PYHIN1: variants seen among roughly 807,000 people sequenced by gnomAD.
PYHIN1 encodes the protein pyrin and HIN domain family member 1.
A neutral mutation model predicts 43.7 loss-of-function variants in PYHIN1; 32 were observed. The observed-to-expected ratio is 0.73, with a 90% CI of 0.55 to 0.98. The LOEUF (loss-of-function observed/expected upper bound fraction) is 0.98. Among genes scored for constraint, PYHIN1 ranks in the 50% least tolerant of loss-of-function variants. The probability of loss-of-function intolerance (pLI) is 0.00; values close to 1 mark genes in which losing one functional copy is unlikely to be tolerated. For missense variants in PYHIN1, 588 were observed against 589.5 expected (o/e 1.00, Z 0.03); for synonymous variants, 205 against 203.1 (o/e 1.01, Z -0.08).
At chr1:158,985,988 T>G in the PYHIN1 span, among the ~76,000 whole-genome samples, 1 of 152,184 alleles carries the variant, frequency 6.6e-6, no homozygotes, top group East Asian at 1.9e-4. Context: ...TTGTAGTGAG[T>G]TTTCAGCTCT....
intron 7 of PYHIN1, among the ~76,000 whole-genome samples, chr1:158,966,365 A>G (rs1228536405): frequency 6.6e-6 from 1 of 152,156 alleles, no homozygotes; most frequent in African/African-American, 2.4e-5. Flanking sequence ...CTCCTCTCCA[A>G]TTCATTCTAT....
chr1:158,940,699 C>T, intron 4 of PYHIN1, among the ~76,000 whole-genome samples: 1 of 152,232 alleles, frequency 6.6e-6, no homozygotes, highest in Non-Finnish European at 1.5e-5. Flanking sequence ...GCTCTATTCC[C>T]TTTTTTCTTA....
the PYHIN1 span, among the ~76,000 whole-genome samples, chr1:158,990,729 G>A: frequency 6.6e-6 from 1 of 151,990 alleles, no homozygotes; most frequent in African/African-American, 2.4e-5. Flanking sequence ...ACCACTATGA[G>A]ATCAACTTTT....
In PYHIN1 at chr1:158,976,903, T is replaced by A; in HGVS notation, c.*208T>A. 3 of 198,038 alleles carry A rather than the reference T, an allele frequency of 1.5e-5. No individual in the cohort carries two copies. The highest frequency in any genetic ancestry group is 1.0e-4 in the East Asian group (1 of 9,794). 12.3% of individuals were successfully genotyped at this position (198,038 alleles called of 1,614,324 possible). A position where few individuals can be genotyped will look rare whatever the true frequency, so the allele number is the denominator to read the frequency against. ...ATATATATATATATATATATATATA[T>A]ATATATATATATACCAGCTATTAAT... On this transcript the variant is annotated 3_prime_UTR_variant, in exon 9 of 9. Coordinates refer to ENST00000368140, the MANE Select transcript of PYHIN1 (RefSeq NM_152501.5).
intron 7 of PYHIN1, among the ~76,000 whole-genome samples, chr1:158,959,296 CG>C (rs1553199062): frequency 1.4e-5 from 2 of 147,414 alleles, no homozygotes; most frequent in Non-Finnish European, 1.5e-5. Flanking sequence ...GCCACAGCCT[CG>C]ACTAGCTGGC....
chr1:158,944,129 GA>G (rs1339843966), intron 6 of PYHIN1, 151 bp downstream of exon 6: 5 of 451,062 alleles, frequency 1.1e-5, no homozygotes, highest in Non-Finnish European at 1.9e-5. Context: ...TTTAAATAGA[GA>G]AAATTATTAA....
chr1:158,954,284 C>A (rs1571753520), intron 7 of PYHIN1, among the ~76,000 whole-genome samples: 1 of 61,410 alleles, frequency 1.6e-5, no homozygotes, highest in African/African-American at 5.6e-5. Flanking sequence ...AGAGCAACTC[C>A]AAGACACATA....
chr1:158,947,816 G>A (rs1557830504), intron 7 of PYHIN1, among the ~76,000 whole-genome samples: 1 of 152,348 alleles, frequency 6.6e-6, no homozygotes, highest in East Asian at 1.9e-4. Flanking sequence ...GAGCGATTAT[G>A]CACCCACAGT....
chr1:158,937,944 CAA>C (rs11444947), intron 2 of PYHIN1, among the ~76,000 whole-genome samples: 12 of 114,142 alleles, frequency 1.1e-4, no homozygotes, highest in Admixed American at 9.1e-5. Context: ...GACTCCGTCT[CAA>C]AAAAAAAAAA....
At chr1:158,975,306 T>C (rs1195465733) in intron 8 of PYHIN1, among the ~76,000 whole-genome samples, 1 of 152,104 alleles carries the variant, frequency 6.6e-6, no homozygotes, top group Non-Finnish European at 1.5e-5. Flanking sequence ...AAGCAGACCA[T>C]TCTTATTTTT....
intron 1 of PYHIN1, among the ~76,000 whole-genome samples, chr1:158,936,589 C>G (rs1648555098): frequency 6.6e-6 from 1 of 152,068 alleles, no homozygotes; most frequent in South Asian, 2.1e-4. Context: ...GAACCAAAGA[C>G]AAAAACCAAA....
intron 7 of PYHIN1, among the ~76,000 whole-genome samples, chr1:158,948,704 C>T (rs1279211844): frequency 3.9e-5 from 6 of 152,134 alleles, no homozygotes; most frequent in African/African-American, 1.4e-4. Flanking sequence ...TGGCTGAGAC[C>T]ATAAAGGCTA....
downstream of PYHIN1, among the ~76,000 whole-genome samples, chr1:158,981,464 T>C (rs1651481293): frequency 6.6e-6 from 1 of 152,112 alleles, no homozygotes; most frequent in Non-Finnish European, 1.5e-5. Context: ...AGAGCGAGAC[T>C]CTGAATCAAA....
chr1:158,972,062 A>G lies in PYHIN1; in HGVS notation c.1360-1585A>G, dbSNP rs564860429. 3.9e-5 allele frequency among the ~76,000 whole-genome samples: 6 copies of G among 152,248 alleles called. No individual in the cohort carries two copies. In the East Asian group the frequency reaches 1.2e-3, roughly 29 times the overall value. On this transcript the variant is annotated intron_variant, in intron 7 of 8. Coordinates refer to ENST00000368140, the MANE Select transcript of PYHIN1 (RefSeq NM_152501.5). ...GATACATAATCAGGCTTCATCTCATAGTGAAACCATTAATCAGAAAAGTCG... is the reference window on the plus strand; with the variant it reads ...GATACATAATCAGGCTTCATCTCATGGTGAAACCATTAATCAGAAAAGTCG...
chr1:158,932,648 G>A (rs1377652660), intron 1 of PYHIN1, among the ~76,000 whole-genome samples: 1 of 152,092 alleles, frequency 6.6e-6, no homozygotes, highest in Non-Finnish European at 1.5e-5. Flanking sequence ...ACACATAGTA[G>A]AAAATGTATC....
chr1:158,946,942 C>T (rs1468771498), intron 7 of PYHIN1, among the ~76,000 whole-genome samples: 6 of 152,184 alleles, frequency 3.9e-5, no homozygotes, highest in Non-Finnish European at 8.8e-5. Flanking sequence ...AATTCAGCCC[C>T]AGAGCAGAGT....
At chr1:158,943,404 C>G (rs1463300028) in intron 5 of PYHIN1, among the ~76,000 whole-genome samples, 1 of 152,166 alleles carries the variant, frequency 6.6e-6, no homozygotes, top group Non-Finnish European at 1.5e-5. Context: ...TTCCTCATAA[C>G]ATAGTGAATG....
intron 7 of PYHIN1, among the ~76,000 whole-genome samples, chr1:158,961,593 A>G (rs111922896): frequency 0.04 from 6,150 of 152,024 alleles, 408 homozygotes; most frequent in African/African-American, 0.14. Flanking sequence ...TCACCTGGGA[A>G]TGGCACGGAG....
Position 158,973,662 on chromosome 1 carries a change from C to G in PYHIN1, c.1375C>G (p.Pro459Ala). 1 of 1,612,946 alleles carries G rather than the reference C, an allele frequency of 6.2e-7. No individual in the cohort carries two copies. Among genetic ancestry groups the G allele is most frequent in the Non-Finnish European group, 8.5e-7 (1 of 1,179,318 alleles). The change falls in exon 8 of 9, where the codon CCA becomes GCA. Residue 459 changes from proline (P) to alanine (A), a missense_variant. By Grantham distance (27) the Pro-to-Ala change is conservative. Transcript: ENST00000368140. ...ATGACTCCAGAAGGATGAAACCCAC[C>G]CAGGAGCACAGTCATCGCCTGCAAA... ...SSFTKKDETHPGAQSSPANFR... is the reference protein window; with the variant it reads ...SSFTKKDETHAGAQSSPANFR...
Sources: gnomAD v4.1 joint callset for allele counts (sites outside exome capture counted in the v4.1 genomes callset) on GRCh38, gnomAD v4.1.1 for gene constraint, MANE v1.5 for transcripts, NCBI Gene and HGNC (gene_info 2026-07-23, HGNC 2026-07-21) for gene names.